PLXNA4: variants seen among roughly 807,000 people sequenced by gnomAD.
PLXNA4 encodes plexin-A4.
PLXNA4 carries 44 observed loss-of-function variants against 191.8 expected under a neutral mutation model. The ratio of observed to expected loss-of-function variants is 0.23; its 90% CI spans 0.18 to 0.29. The LOEUF (loss-of-function observed/expected upper bound fraction) is 0.29. Ranked by LOEUF, PLXNA4 falls within the 10% of genes least tolerant of loss-of-function variation. The pLI is 1.00. For synonymous variants in PLXNA4, 1,082 were observed against 1,009.5 expected (o/e 1.07, Z -1.36); for missense variants, 1,800 against 2,488.8 (o/e 0.72, Z 5.89).
At chr7:132,132,476 TG>T (rs1417804459) in intron 31 of PLXNA4, among the ~76,000 whole-genome samples, 1,395 of 61,686 alleles carry the variant, frequency 0.023, 112 homozygotes, top group Non-Finnish European at 0.029. Context: ...TGCTCTGCTC[TG>T]CTCTGCTCTG....
At chr7:132,424,619 C>G (rs962173359) in intron 3 of PLXNA4, among the ~76,000 whole-genome samples, 21 of 152,318 alleles carry the variant, frequency 1.4e-4, no homozygotes, top group African/African-American at 4.8e-4. Context: ...ACTATACACC[C>G]TGGATACTGT....
chr7:132,146,503 C>T lies in PLXNA4; in HGVS notation c.5055+7G>A. ...GGCTCCCTGCACCCAGTTCTCAAGT[C>T]TGATACCTTAGTGGCCAGGAGTCGG... On this transcript the variant is annotated splice_region_variant and intron_variant, in intron 28 of 31. Coordinates refer to ENST00000321063, the MANE Select transcript of PLXNA4 (RefSeq NM_020911.2). The T allele has an allele frequency of 6.2e-7, 1 of 1,614,162 alleles. No individual in the cohort carries two copies. The highest frequency in any genetic ancestry group is 8.5e-7 in the Non-Finnish European group (1 of 1,180,036).
chr7:132,595,095 G>A (rs761565735), intron 2 of PLXNA4, among the ~76,000 whole-genome samples: 3 of 151,884 alleles, frequency 2.0e-5, no homozygotes, highest in Non-Finnish European at 2.9e-5. Flanking sequence ...CTAGAGACTC[G>A]GTCCCACTCT....
At chr7:132,496,491 C>T (rs942733696) in intron 2 of PLXNA4, among the ~76,000 whole-genome samples, 26 of 152,002 alleles carry the variant, frequency 1.7e-4, no homozygotes, top group East Asian at 1.9e-4. Context: ...AACCTCCACC[C>T]GCCAGGTTCA....
intron 4 of PLXNA4, among the ~76,000 whole-genome samples, chr7:132,263,249 C>T (rs1799719388): frequency 6.6e-6 from 1 of 152,184 alleles, no homozygotes; most frequent in Non-Finnish European, 1.5e-5. Flanking sequence ...GGCCCACCAC[C>T]AGTGGGGTGG....
intron 1 of PLXNA4, among the ~76,000 whole-genome samples, chr7:132,519,522 C>T (rs1000511197): frequency 2.0e-5 from 3 of 152,202 alleles, no homozygotes; most frequent in South Asian, 2.1e-4. Context: ...ATCCCTGTCT[C>T]GTGCATGTGG....
chr7:132,294,379 G>T (rs981238493), intron 4 of PLXNA4, among the ~76,000 whole-genome samples: 3 of 152,210 alleles, frequency 2.0e-5, no homozygotes, highest in African/African-American at 7.2e-5. Context: ...GGGGAGAGCG[G>T]CAGGTGATGA....
At chr7:132,291,133 G>A (rs13232076) in intron 4 of PLXNA4, among the ~76,000 whole-genome samples, 6,857 of 152,002 alleles carry the variant, frequency 0.045, 412 homozygotes, top group Admixed American at 0.18. Flanking sequence ...CTGGCAGCCC[G>A]TCCGGTGTCC....
chr7:132,621,475 G>C (rs1310466585), intron 2 of PLXNA4, among the ~76,000 whole-genome samples: 2 of 151,932 alleles, frequency 1.3e-5, no homozygotes, highest in African/African-American at 4.8e-5. Context: ...TGGCCAGGAT[G>C]GTCTCCATCT....
At chr7:132,411,132 G>T (rs1489849646) in intron 3 of PLXNA4, among the ~76,000 whole-genome samples, 8 of 152,186 alleles carry the variant, frequency 5.3e-5, no homozygotes, top group Non-Finnish European at 1.0e-4. Context: ...TGTATTCAGA[G>T]CTGGCAGAGA....
rs970032174 is a variant in PLXNA4, at chr7:132,304,956, C to G, written c.1372-6734G>C. On this transcript the variant is annotated intron_variant, in intron 3 of 31. Transcript: ENST00000321063. ...CAAGTCAGAATGCTGCTGCATGGGCCTCATTCTAATCCAGGCTCATTTGAT... is the reference window on the plus strand; with the variant it reads ...CAAGTCAGAATGCTGCTGCATGGGCGTCATTCTAATCCAGGCTCATTTGAT... Among the ~76,000 whole-genome samples, 3 of 152,330 alleles carry G rather than the reference C, an allele frequency of 2.0e-5. No homozygotes were observed. In the South Asian group the frequency reaches 6.2e-4, roughly 32 times the overall value.
At chr7:132,562,454 TTCTC>T (rs1801236479) in intron 1 of PLXNA4, among the ~76,000 whole-genome samples, 4 of 85,262 alleles carry the variant, frequency 4.7e-5, no homozygotes, top group South Asian at 1.4e-3. Flanking sequence ...CTCCTCCTCC[TTCTC>T]CTCCTCCTCC....
At chr7:132,482,306 C>G (rs191333983) in intron 3 of PLXNA4, among the ~76,000 whole-genome samples, 2 of 152,342 alleles carry the variant, frequency 1.3e-5, no homozygotes, top group East Asian at 3.9e-4. Flanking sequence ...TCGCCCCCAT[C>G]TCTCAGACAT....
At chr7:132,200,636 G>A (rs1019419116) in intron 12 of PLXNA4, among the ~76,000 whole-genome samples, 6 of 152,198 alleles carry the variant, frequency 3.9e-5, no homozygotes, top group Admixed American at 2.0e-4. Flanking sequence ...ACCCCAAGGG[G>A]CTGCTTTGCT....
intron 3 of PLXNA4, among the ~76,000 whole-genome samples, chr7:132,393,388 G>A (rs912737897): frequency 6.6e-6 from 1 of 152,088 alleles, no homozygotes; most frequent in African/African-American, 2.4e-5. Context: ...CCATGATCCA[G>A]AGAGGCTGTA....
intron 2 of PLXNA4, among the ~76,000 whole-genome samples, chr7:132,601,293 AAAC>A (rs2116840396): frequency 6.6e-6 from 1 of 152,306 alleles, no homozygotes; most frequent in East Asian, 1.9e-4. Context: ...AGAAAAAAAA[AAAC>A]AGTAAACATT....
chr7:132,517,345 C>G, intron 1 of PLXNA4, among the ~76,000 whole-genome samples: 1 of 152,154 alleles, frequency 6.6e-6, no homozygotes, highest in Non-Finnish European at 1.5e-5. Flanking sequence ...AGTGTGTTTT[C>G]TCTACGGTTT....
At chr7:132,540,566 G>GTTTTTT (rs1203493435) in intron 1 of PLXNA4, among the ~76,000 whole-genome samples, 34 of 49,548 alleles carry the variant, frequency 6.9e-4, no homozygotes, top group Admixed American at 1.4e-3. Flanking sequence ...AGTGTGGACC[G>GTTTTTT]TTCTTTTTTT....
intron 3 of PLXNA4, among the ~76,000 whole-genome samples, chr7:132,426,122 C>T: frequency 6.6e-6 from 1 of 152,194 alleles, no homozygotes; most frequent in East Asian, 1.9e-4. Flanking sequence ...GGGCCTCTCC[C>T]AGGGGGAGAT....
Sources: allele counts gnomAD v4.1 joint callset (sites outside exome capture counted in the v4.1 genomes callset), GRCh38; gene constraint gnomAD v4.1.1; transcripts MANE v1.5; gene names NCBI Gene and HGNC (gene_info 2026-07-23, HGNC 2026-07-21).